AFG2A: variants seen among roughly 807,000 people sequenced by gnomAD.
The protein encoded by AFG2A is AAA ATPase AFG2A, also known as ATPase family gene 2 protein homolog A.
At chr4:122,942,431 G>C in the AFG2A span, among the ~76,000 whole-genome samples, 4,570 of 151,292 alleles carry the variant, frequency 0.03, 87 homozygotes, top group Non-Finnish European at 0.041. Context: ...AGAGGTGTTT[G>C]TAGTATTCTC....
the AFG2A span, among the ~76,000 whole-genome samples, chr4:123,311,178 A>G: frequency 1.3e-5 from 2 of 152,092 alleles, no homozygotes; most frequent in Admixed American, 6.5e-5. Context: ...TAGTAGGGAA[A>G]TTTTTCCCAA....
chr4:123,247,582 A>ATGTT, the AFG2A span, among the ~76,000 whole-genome samples: 5,734 of 149,582 alleles, frequency 0.038, 233 homozygotes, highest in African/African-American at 0.1. Context: ...GCTAATTTTT[A>ATGTT]TGTTTGTTTG....
the AFG2A span, among the ~76,000 whole-genome samples, chr4:123,163,461 A>C: frequency 2.6e-5 from 4 of 151,806 alleles, no homozygotes; most frequent in Non-Finnish European, 4.4e-5. Context: ...AACAAAAAAA[A>C]CCCAACACTG....
the AFG2A span, among the ~76,000 whole-genome samples, chr4:123,124,551 TG>T: frequency 0.46 from 69,145 of 151,836 alleles, 19,248 homozygotes; most frequent in Non-Finnish European, 0.61. Context: ...GACGAGTTAA[TG>T]GGTATAGCAC....
At chr4:123,122,729 A>G in the AFG2A span, among the ~76,000 whole-genome samples, 2 of 151,338 alleles carry the variant, frequency 1.3e-5, no homozygotes, top group African/African-American at 2.4e-5. Context: ...ATCTCCTTTA[A>G]TAAATGGAAT....
At chr4:122,925,458 G>C in the AFG2A span, among the ~76,000 whole-genome samples, 2 of 152,056 alleles carry the variant, frequency 1.3e-5, no homozygotes, top group African/African-American at 4.8e-5. Flanking sequence ...TTGCACTATT[G>C]TCCTGGGTGG....
At chr4:123,297,876 C>T in the AFG2A span, among the ~76,000 whole-genome samples, 1 of 152,078 alleles carries the variant, frequency 6.6e-6, no homozygotes, top group African/African-American at 2.4e-5. Flanking sequence ...GTTGCCAAGA[C>T]AGAAAGAAGA....
chr4:123,089,090 A>G, the AFG2A span, among the ~76,000 whole-genome samples: 1 of 152,188 alleles, frequency 6.6e-6, no homozygotes, highest in Non-Finnish European at 1.5e-5. Flanking sequence ...ACCATGTTAA[A>G]TTAATAAATT....
the AFG2A span, among the ~76,000 whole-genome samples, chr4:123,190,528 G>A: frequency 1.3e-5 from 2 of 152,012 alleles, no homozygotes; most frequent in Admixed American, 1.3e-4. Context: ...ATATTTAATC[G>A]AGCCAGAAGA....
chr4:123,131,241 A>G, the AFG2A span, among the ~76,000 whole-genome samples: 1,756 of 152,290 alleles, frequency 0.012, 21 homozygotes, highest in South Asian at 0.043. Flanking sequence ...GTTTTGAAGA[A>G]GTACAATTTC....
the AFG2A span, among the ~76,000 whole-genome samples, chr4:123,116,192 G>A: frequency 0.039 from 5,975 of 152,202 alleles, 240 homozygotes; most frequent in African/African-American, 0.11. Flanking sequence ...TTTTGAGGAC[G>A]TTTCTCTTTT....
the AFG2A span, among the ~76,000 whole-genome samples, chr4:122,923,815 C>T: frequency 6.6e-6 from 1 of 152,052 alleles, no homozygotes; most frequent in Admixed American, 6.5e-5. Context: ...CTACAGAAGC[C>T]GTGACCGATG....
At chr4:123,292,167 CTT>C in the AFG2A span, among the ~76,000 whole-genome samples, 2 of 152,114 alleles carry the variant, frequency 1.3e-5, no homozygotes, top group Admixed American at 1.3e-4. Context: ...GTTTTTAAAA[CTT>C]TGCATTGCAT....
the AFG2A span, among the ~76,000 whole-genome samples, chr4:123,108,935 A>T: frequency 6.6e-6 from 1 of 152,116 alleles, no homozygotes; most frequent in Non-Finnish European, 1.5e-5. Flanking sequence ...TAACAACTTT[A>T]TAAGGTTTAT....
chr4:123,036,524 A>G, the AFG2A span, among the ~76,000 whole-genome samples: 1 of 152,100 alleles, frequency 6.6e-6, no homozygotes. Context: ...TTGAGATGAA[A>G]ATGTGGAAAT....
the AFG2A span, among the ~76,000 whole-genome samples, chr4:123,276,160 C>G: frequency 3.0e-4 from 46 of 152,206 alleles, no homozygotes; most frequent in South Asian, 7.1e-3. Flanking sequence ...TATTTTTTTG[C>G]TTTTTAATAA....
the AFG2A span, among the ~76,000 whole-genome samples, chr4:123,145,215 T>G: frequency 1.3e-5 from 2 of 152,078 alleles, no homozygotes; most frequent in Non-Finnish European, 2.9e-5. Flanking sequence ...TAATTTTACC[T>G]GGCCACACTG....
chr4:123,045,927 C>G, the AFG2A span, among the ~76,000 whole-genome samples: 1 of 151,810 alleles, frequency 6.6e-6, no homozygotes, highest in Non-Finnish European at 1.5e-5. Context: ...GGAACCCCGT[C>G]TCTACTAAAA....
At chr4:122,991,929 A>G in the AFG2A span, among the ~76,000 whole-genome samples, 2 of 152,172 alleles carry the variant, frequency 1.3e-5, no homozygotes, top group Non-Finnish European at 2.9e-5. Flanking sequence ...TTTATCTGCA[A>G]TATTTATCTG....
Sources: gnomAD v4.1 joint callset for allele counts (sites outside exome capture counted in the v4.1 genomes callset) on GRCh38, gnomAD v4.1.1 for gene constraint, MANE v1.5 for transcripts, NCBI Gene and HGNC (gene_info 2026-07-23, HGNC 2026-07-21) for gene names.